ITSN2: variants seen among roughly 807,000 people sequenced by gnomAD.
ITSN2 encodes the protein intersectin 2.
ITSN2 carries 156 observed loss-of-function variants against 243.7 expected under a neutral mutation model. The observed-to-expected ratio is 0.64, with a 90% CI of 0.56 to 0.73. The LOEUF is 0.73. Ranked by LOEUF, ITSN2 falls within the 30% of genes least tolerant of loss-of-function variation. The probability of loss-of-function intolerance (pLI) is 0.00; values close to 1 mark genes in which losing one functional copy is unlikely to be tolerated. For synonymous variants in ITSN2, 703 were observed against 699.9 expected, an observed-to-expected ratio of 1.00 and a Z score of -0.07; for missense variants, 1,801 against 1,996.1, an observed-to-expected ratio of 0.90 and a Z score of 1.86.
chr2:24,260,791 C>T (rs1023091241), intron 22 of ITSN2, among the ~76,000 whole-genome samples: 1 of 151,546 alleles, frequency 6.6e-6, no homozygotes, highest in South Asian at 2.1e-4. Flanking sequence ...GTAATCCCAG[C>T]TACTCAGGAG....
chr2:24,272,372 G>A (rs903923186), intron 18 of ITSN2, among the ~76,000 whole-genome samples: 1 of 150,812 alleles, frequency 6.6e-6, no homozygotes, highest in East Asian at 1.9e-4. Flanking sequence ...TGTTTCAGGG[G>A]TTTAGTCATT....
At chr2:24,212,008 G>A (rs564073250) in intron 33 of ITSN2, among the ~76,000 whole-genome samples, 3 of 152,308 alleles carry the variant, frequency 2.0e-5, no homozygotes, top group African/African-American at 7.2e-5. Context: ...TCATATTCCT[G>A]CTGCTTTTCT....
chr2:24,312,150 A>C, intron 5 of ITSN2, 62 bp downstream of exon 5: 2 of 1,348,502 alleles, frequency 1.5e-6, no homozygotes, highest in Non-Finnish European at 2.0e-6. Flanking sequence ...TCTAATACTC[A>C]AATATGCCTA....
intron 20 of ITSN2, among the ~76,000 whole-genome samples, chr2:24,269,641 G>A (rs960024460): frequency 9.9e-5 from 15 of 152,260 alleles, no homozygotes; most frequent in Middle Eastern, 3.4e-3. Context: ...AGGTTGTCAC[G>A]CTTTTTCATT....
intron 29 of ITSN2, among the ~76,000 whole-genome samples, chr2:24,237,403 A>G (rs2543671): frequency 0.98 from 148,810 of 152,164 alleles, 72,763 homozygotes; most frequent in East Asian, 0.99. Context: ...TCACTATCCA[A>G]CCCTTAACTG....
chr2:24,232,810 G>A (rs935370603), intron 29 of ITSN2, among the ~76,000 whole-genome samples: 2 of 152,132 alleles, frequency 1.3e-5, no homozygotes, highest in Non-Finnish European at 1.5e-5. Flanking sequence ...TCCAATGGCA[G>A]GCCATTTAAG....
Position 24,261,708 on chromosome 2 carries a change from A to G in ITSN2, c.2390T>C (p.Leu797Pro). The change falls in exon 21 of 40, where the codon CTT (leucine) becomes CCT (proline). Residue 797 changes from leucine (L) to proline (P), a missense_variant. Around this residue, in one of 5 missense-constraint regions of ITSN2, gnomAD observed 7 missense variants for 20.0 expected, o/e 0.35. Coordinates refer to ENST00000355123, the MANE Select transcript of ITSN2 (RefSeq NM_006277.3). ...DEKTVGEPGW[L>P]YGSFQGNFGW... ...AAAATTTCCTTGAAAACTACCATAA[A>G]GCCAACCAGGTTCTCCTACGGTTTT... 1 of 1,613,574 alleles carries G rather than the reference A, an allele frequency of 6.2e-7. No individual in the cohort carries two copies. The highest frequency in any genetic ancestry group is 8.5e-7 in the Non-Finnish European group (1 of 1,179,764).
intron 30 of ITSN2, among the ~76,000 whole-genome samples, chr2:24,219,172 C>T (rs1444912370): frequency 1.3e-5 from 2 of 152,198 alleles, no homozygotes; most frequent in Non-Finnish European, 2.9e-5. Context: ...GGTCACTAAC[C>T]CCAGGTTTCA....
At chr2:24,299,433 C>T (rs1333869895) in intron 12 of ITSN2, among the ~76,000 whole-genome samples, 2 of 152,176 alleles carry the variant, frequency 1.3e-5, no homozygotes, top group Non-Finnish European at 2.9e-5. Flanking sequence ...CACAGCCAGT[C>T]CTCCTAAGGA....
chr2:24,299,670 A>G (rs970616069), intron 12 of ITSN2, among the ~76,000 whole-genome samples: 1 of 152,208 alleles, frequency 6.6e-6, no homozygotes, highest in Non-Finnish European at 1.5e-5. Flanking sequence ...TTTGATTGAG[A>G]TATCACCTGC....
rs549542866 is a variant in ITSN2, at chr2:24,249,726, T to A, written c.3121-844A>T. 1.9e-4 allele frequency among the ~76,000 whole-genome samples: 29 copies of A among 152,308 alleles called. No homozygotes were observed. Among genetic ancestry groups the A allele is most frequent in the Non-Finnish European group, 3.7e-4 (25 of 68,010 alleles). On this transcript the variant is annotated intron_variant, in intron 25 of 39. Transcript: ENST00000355123. This position sits in a 1 kb window ranked among gnomAD's most constrained non-coding sequence, Gnocchi z 4.4. ...AGGCACAGAAAGGTACAGTAACTTGTCCAAGGTCACCCAGGCTCTAAGTGT... is the reference window on the plus strand; with the variant it reads ...AGGCACAGAAAGGTACAGTAACTTGACCAAGGTCACCCAGGCTCTAAGTGT...
intron 5 of ITSN2, 90 bp from the exon 6 acceptor site, chr2:24,310,782 TC>T (rs1683167265): frequency 1.0e-6 from 1 of 994,806 alleles, no homozygotes; most frequent in African/African-American, 1.6e-5. Flanking sequence ...GTGGGCAGAC[TC>T]TATGTTTACC....
chr2:24,213,002 T>G (rs1249093251), intron 32 of ITSN2, among the ~76,000 whole-genome samples: 3 of 152,140 alleles, frequency 2.0e-5, no homozygotes, highest in African/African-American at 7.2e-5. Flanking sequence ...GGCTTCGACT[T>G]TCTTTTAAAT....
At chr2:24,287,303 TA>T (rs1679632924) in intron 15 of ITSN2, among the ~76,000 whole-genome samples, 1 of 152,150 alleles carries the variant, frequency 6.6e-6, no homozygotes, top group African/African-American at 2.4e-5. Flanking sequence ...TTTATATAAC[TA>T]CCTTTCTGAC....
In ITSN2 at chr2:24,310,494, G is replaced by C; in HGVS notation, c.551C>G (p.Ser184Cys). ...TTTAGAAACAAAGTACTCACTTGAAGAAGAATAAGGAATGGGTAAAGGCTG... is the reference window on the plus strand; with the variant it reads ...TTTAGAAACAAAGTACTCACTTGAACAAGAATAAGGAATGGGTAAAGGCTG... The part of the protein sequence containing the change: ...LIQPLPIPYS[S>C]STLPHGSSYS... Residue 184 changes from serine (S) to cysteine (C), a missense_variant, in exon 6 of 40, where the codon TCT (serine) becomes TGT (cysteine). Around this residue, in one of 5 missense-constraint regions of ITSN2, gnomAD observed 787 missense variants for 803.9 expected, o/e 0.98. Coordinates refer to ENST00000355123, the MANE Select transcript of ITSN2 (RefSeq NM_006277.3). The C allele has an allele frequency of 6.2e-7, 1 of 1,613,816 alleles. No individual in the cohort carries two copies. The highest frequency in any genetic ancestry group is 1.1e-5 in the South Asian group (1 of 91,080).
intron 29 of ITSN2, among the ~76,000 whole-genome samples, chr2:24,243,158 G>C (rs912589642): frequency 7.2e-5 from 11 of 152,046 alleles, no homozygotes; most frequent in Non-Finnish European, 1.5e-4. Context: ...AAAGATTTAG[G>C]GGGTCTTTTT....
chr2:24,318,328 T>C (rs1684164727), intron 2 of ITSN2, among the ~76,000 whole-genome samples: 1 of 152,168 alleles, frequency 6.6e-6, no homozygotes, highest in Non-Finnish European at 1.5e-5. Flanking sequence ...GTATTTTTTG[T>C]AGAGACGGGG....
chr2:24,337,310 C>T (rs1356131139), intron 1 of ITSN2, among the ~76,000 whole-genome samples: 2 of 16,448 alleles, frequency 1.2e-4, no homozygotes, highest in African/African-American at 2.2e-4. Flanking sequence ...TGTGTGTATA[C>T]ACAAAATATA....
At chr2:24,321,898 A>G (rs1684618232) in intron 2 of ITSN2, 1 of 152,182 alleles carries the variant, frequency 6.6e-6, no homozygotes, top group Non-Finnish European at 1.5e-5. Flanking sequence ...TTAAAGTACT[A>G]TTATTATTCT....
Sources: allele counts gnomAD v4.1 joint callset (sites outside exome capture counted in the v4.1 genomes callset), GRCh38; gene constraint gnomAD v4.1.1; regional missense constraint gnomAD v4.1.1; non-coding constraint Gnocchi (gnomAD v3.1); transcripts MANE v1.5; gene names NCBI Gene and HGNC (gene_info 2026-07-23, HGNC 2026-07-21).